ASPH: variants seen among roughly 807,000 people sequenced by gnomAD.
ASPH encodes aspartate beta-hydroxylase, also known as aspartyl/asparaginyl beta-hydroxylase.
In ASPH, 100 loss-of-function variants were observed where a neutral mutation model predicts 118.4. The ratio of observed to expected loss-of-function variants is 0.84; its 90% confidence interval spans 0.72 to 1.00. The LOEUF (loss-of-function observed/expected upper bound fraction) is 1.00, where lower values mean the gene tolerates loss of function less well. Among genes scored for constraint, ASPH ranks in the 50% least tolerant of loss-of-function variants. The probability of loss-of-function intolerance (pLI) is 0.00; values close to 1 mark genes in which losing one functional copy is unlikely to be tolerated. For missense variants in ASPH, 920 were observed against 919.5 expected (o/e 1.00, Z -0.01); for synonymous variants, 315 against 325.6 (o/e 0.97, Z 0.35).
chr8:61,537,955 T>C (rs1820270400), intron 21 of ASPH, among the ~76,000 whole-genome samples: 2 of 152,312 alleles, frequency 1.3e-5, no homozygotes, highest in African/African-American at 2.4e-5. Flanking sequence ...GCTGCCATAA[T>C]TGGCATCATA....
chr8:61,626,201 A>T, intron 13 of ASPH: 2 of 1,441,442 alleles, frequency 1.4e-6, no homozygotes, highest in Non-Finnish European at 1.8e-6. Context: ...CACAAGATCT[A>T]TCACAGCCAT....
chr8:61,671,360 T>C (rs566581625), intron 3 of ASPH, among the ~76,000 whole-genome samples: 1 of 152,194 alleles, frequency 6.6e-6, no homozygotes, highest in Non-Finnish European at 1.5e-5. Flanking sequence ...AAAGGGAACA[T>C]TCCACTAATC....
chr8:61,714,380 C>T lies in ASPH; in HGVS notation c.-9G>A. 6.7e-7 allele frequency: 1 copy of T among 1,501,544 alleles called. No homozygotes were observed. The highest frequency in any genetic ancestry group is 8.9e-7 in the Non-Finnish European group (1 of 1,123,962). The allele number at this position is 1,501,544 out of a possible 1,614,324, so 93.0% of individuals were successfully genotyped here. ...TTCTTACGCTGGGCCATTGCACGGT[C>T]CGCGGGGGCTGGTGAGGGCTGGCGG... On this transcript the variant is annotated 5_prime_UTR_variant, in exon 1 of 25. Transcript: ENST00000379454.
chr8:61,517,973 C>A, intron 23 of ASPH, 59 bp downstream of exon 23: 1 of 1,503,846 alleles, frequency 6.6e-7, no homozygotes, highest in South Asian at 1.2e-5. Flanking sequence ...TTGTAAAGGT[C>A]AACACGCCCT....
chr8:61,684,635 T>C (rs1040786761), intron 1 of ASPH: 1 of 153,886 alleles, frequency 6.5e-6, no homozygotes, highest in African/African-American at 2.4e-5. Context: ...CATTCCATAT[T>C]CTTAGCCAGA....
At chr8:61,664,915 C>G in intron 3 of ASPH, 1 of 1,041,768 alleles carries the variant, frequency 9.6e-7, no homozygotes, top group Non-Finnish European at 1.2e-6. Flanking sequence ...ACAGAAATAA[C>G]ATTTAAAATC....
chr8:61,502,987 A>G lies in ASPH; in HGVS notation c.*372T>C, dbSNP rs1175088272. 2 of 160,724 alleles carry G rather than the reference A, an allele frequency of 1.2e-5. No homozygotes were observed. The highest frequency in any genetic ancestry group is 4.8e-5 in the African/African-American group (2 of 41,854). The allele number at this position is 160,724 out of a possible 1,614,324, so 10.0% of individuals were successfully genotyped here. On this transcript the variant is annotated 3_prime_UTR_variant, in exon 25 of 25. Coordinates refer to ENST00000379454, the MANE Select transcript of ASPH (RefSeq NM_004318.4). ...ACACTAGAAAAATATAACTGCATAG[A>G]AAAATTACAAACTAAAGCAATCCAT...
At chr8:61,673,623 CT>C (rs1234716215) in intron 3 of ASPH, among the ~76,000 whole-genome samples, 3 of 151,976 alleles carry the variant, frequency 2.0e-5, no homozygotes, top group Non-Finnish European at 2.9e-5. Context: ...TAATTTAGTT[CT>C]TAAGTTTAAA....
At chr8:61,574,853 A>G (rs1047615871) in intron 16 of ASPH, among the ~76,000 whole-genome samples, 1 of 152,108 alleles carries the variant, frequency 6.6e-6, no homozygotes, top group African/African-American at 2.4e-5. Context: ...AAAACAAACA[A>G]ACAAATAAAC....
At chr8:61,659,920 A>C (rs553458098) in intron 3 of ASPH, 3 of 152,264 alleles carry the variant, frequency 2.0e-5, no homozygotes, top group South Asian at 2.1e-4. Flanking sequence ...CAATGGTCTA[A>C]AACTATTGTT....
chr8:61,684,249 C>A, intron 1 of ASPH, 61 bp from the exon 2 acceptor site: 1 of 1,495,004 alleles, frequency 6.7e-7, no homozygotes, highest in Non-Finnish European at 9.0e-7. Flanking sequence ...CACTTATTCT[C>A]ACAATTATTT....
intron 24 of ASPH, among the ~76,000 whole-genome samples, chr8:61,504,234 A>G (rs1466627570): frequency 2.0e-5 from 3 of 152,206 alleles, no homozygotes; most frequent in African/African-American, 7.2e-5. Flanking sequence ...TGCTTTTCAA[A>G]TCCAAAGAGA....
In ASPH at chr8:61,584,003, T is replaced by C; in HGVS notation, c.1003A>G (p.Asn335Asp). The C allele has an allele frequency of 6.4e-7, 1 of 1,571,792 alleles. No individual in the cohort carries two copies. The highest frequency in any genetic ancestry group is 8.6e-7 in the Non-Finnish European group (1 of 1,156,628). ...KVKKKKPKLL[N>D]KFDKTIKAEL... ...GCTTTAATAGTCTTATCAAATTTAT[T>C]TAAAAGTTTAGGCTTCTTTTTCTTA... The change falls in exon 15 of 25, where the codon AAT becomes GAT. Residue 335 changes from asparagine to aspartate, a missense_variant. Asn to Asp is a conservative substitution (Grantham distance 23). Transcript: ENST00000379454.
intron 3 of ASPH, among the ~76,000 whole-genome samples, chr8:61,669,665 C>A (rs1338914269): frequency 2.0e-5 from 3 of 152,058 alleles, no homozygotes; most frequent in Non-Finnish European, 4.4e-5. Flanking sequence ...AGGTGTAAAA[C>A]ACATTAGCAT....
chr8:61,545,224 A>G (rs371852134), intron 21 of ASPH, among the ~76,000 whole-genome samples: 1 of 152,184 alleles, frequency 6.6e-6, no homozygotes, highest in Non-Finnish European at 1.5e-5. Context: ...TTGTCCTTAT[A>G]AAAAAAGCCT....
At chr8:61,680,022 T>C (rs976522613) in intron 3 of ASPH, among the ~76,000 whole-genome samples, 1 of 151,052 alleles carries the variant, frequency 6.6e-6, no homozygotes, top group African/African-American at 2.4e-5. Flanking sequence ...ACTAAAACTC[T>C]ATTTTCATAT....
At chr8:61,572,839 G>A (rs113604288) in intron 16 of ASPH, among the ~76,000 whole-genome samples, 11,634 of 152,130 alleles carry the variant, frequency 0.076, 1,237 homozygotes, top group African/African-American at 0.24. Flanking sequence ...CCTATTCGAC[G>A]TAGTATTGGA....
chr8:61,566,394 A>T (rs1253189138), intron 17 of ASPH, among the ~76,000 whole-genome samples: 2 of 152,242 alleles, frequency 1.3e-5, no homozygotes, highest in African/African-American at 4.8e-5. Flanking sequence ...TGCTTCTTAC[A>T]GATGAGCAAA....
intron 15 of ASPH, among the ~76,000 whole-genome samples, chr8:61,580,697 C>A (rs549504355): frequency 6.6e-6 from 1 of 152,154 alleles, no homozygotes; most frequent in Non-Finnish European, 1.5e-5. Context: ...CTCCAATATC[C>A]AATTCTGTCT....
Sources: allele counts gnomAD v4.1 joint callset (sites outside exome capture counted in the v4.1 genomes callset), GRCh38; gene constraint gnomAD v4.1.1; transcripts MANE v1.5; gene names NCBI Gene and HGNC (gene_info 2026-07-23, HGNC 2026-07-21).